POU2F1: variants seen among roughly 807,000 people sequenced by gnomAD.
POU2F1 encodes the protein POU class 2 homeobox 1, also known as POU domain, class 2, transcription factor 1.
A neutral mutation model predicts 84.9 loss-of-function variants in POU2F1; 16 were observed. The ratio of observed to expected loss-of-function variants is 0.19; its 90% CI spans 0.13 to 0.29. POU2F1 has a LOEUF of 0.29. Ranked by LOEUF, POU2F1 falls within the 10% of genes least tolerant of loss-of-function variation. The pLI is 1.00. For synonymous variants in POU2F1, 368 were observed against 368.3 expected, an observed-to-expected ratio of 1.00 and a Z score of 0.01; for missense variants, 738 against 942.6, an observed-to-expected ratio of 0.78 and a Z score of 2.84.
chr1:167,267,403 A>C (rs1282527282), intron 1 of POU2F1, among the ~76,000 whole-genome samples: 1 of 151,254 alleles, frequency 6.6e-6, no homozygotes, highest in Non-Finnish European at 1.5e-5. Context: ...GGAAAAAAAA[A>C]CTAAAACCGT....
chr1:167,426,949 C>G lies in POU2F1; in HGVS notation c.*11139C>G, dbSNP rs1302731782. 1 of 152,162 alleles carries G rather than the reference C, an allele frequency of 6.6e-6. No homozygotes were observed. The highest frequency in any genetic ancestry group is 1.5e-5 in the Non-Finnish European group (1 of 68,032). 9.4% of individuals were successfully genotyped at this position (152,162 alleles called of 1,614,324 possible). On this transcript the variant is annotated 3_prime_UTR_variant, in exon 16 of 16. Coordinates refer to ENST00000367866, the MANE Select transcript of POU2F1 (RefSeq NM_002697.4). ...ATTTCCCCTCTGATAGGAATATTTT[C>G]TAAGAATCAGCTGATAACTTGCGTG...
chr1:167,300,317 C>T (rs1018718709), intron 1 of POU2F1, among the ~76,000 whole-genome samples: 2 of 152,018 alleles, frequency 1.3e-5, no homozygotes, highest in African/African-American at 2.4e-5. Flanking sequence ...GATCAGGTAC[C>T]GTATTCACTG....
intron 2 of POU2F1, among the ~76,000 whole-genome samples, chr1:167,358,122 C>CTTT (rs763521021): frequency 1.6e-3 from 158 of 97,122 alleles, no homozygotes; most frequent in African/African-American, 2.4e-3. Flanking sequence ...TTTTTCTTTT[C>CTTT]TTTTTTTTTT....
chr1:167,337,204 G>A (rs1231114348), intron 2 of POU2F1, among the ~76,000 whole-genome samples: 1 of 150,672 alleles, frequency 6.6e-6, no homozygotes, highest in African/African-American at 2.4e-5. Flanking sequence ...GTGCACACCT[G>A]TACTCCCAGC....
intron 1 of POU2F1, among the ~76,000 whole-genome samples, chr1:167,261,126 C>T (rs1651533408): frequency 6.6e-6 from 1 of 152,088 alleles, no homozygotes; most frequent in Non-Finnish European, 1.5e-5. Context: ...GGTTCCCAGT[C>T]AACCATAACA....
In POU2F1 at chr1:167,230,422, C is replaced by CTT. The variant is rs146275828; in HGVS notation, c.61+9466_61+9467dup. On this transcript the variant is annotated intron_variant, in intron 1 of 15. Transcript: ENST00000367866. Reference sequence around the variant, plus strand: ...TAAGGGATTTCAAACTTTTAAAAGCCTTTGGTGTTCTTTTTTAAAGGCAAA... The same window carrying CTT: ...TAAGGGATTTCAAACTTTTAAAAGCCTTTTTGGTGTTCTTTTTTAAAGGCAAA... Among the ~76,000 whole-genome samples the CTT allele has an allele frequency of 1.1e-3, 169 of 151,816 alleles. 1 individual carries two copies. Among genetic ancestry groups the CTT allele is most frequent in the African/African-American group, 4.0e-3 (166 of 41,362 alleles).
intron 1 of POU2F1, among the ~76,000 whole-genome samples, chr1:167,277,498 TA>T (rs34080201): frequency 0.04 from 5,388 of 135,474 alleles, 137 homozygotes; most frequent in African/African-American, 0.082. Flanking sequence ...CCTGGCTAAT[TA>T]AAAAAAAAAA....
At chr1:167,354,152 ATGTT>A (rs1319278232) in intron 2 of POU2F1, among the ~76,000 whole-genome samples, 2 of 152,126 alleles carry the variant, frequency 1.3e-5, no homozygotes, top group African/African-American at 4.8e-5. Flanking sequence ...CTACATTAGA[ATGTT>A]TGTTTATTCC....
chr1:167,281,448 G>C (rs538236943), intron 1 of POU2F1, among the ~76,000 whole-genome samples: 17 of 152,350 alleles, frequency 1.1e-4, no homozygotes, highest in Admixed American at 7.8e-4. Context: ...GCAACTGACG[G>C]TTTGCCAATC....
chr1:167,384,114 T>C (rs1647781717), intron 8 of POU2F1, among the ~76,000 whole-genome samples, 163 bp downstream of exon 8: 2 of 152,162 alleles, frequency 1.3e-5, no homozygotes, highest in Admixed American at 1.3e-4. Flanking sequence ...ACCAAATCAA[T>C]ATAGTCTTTG....
At chr1:167,276,143 G>A (rs936915740) in intron 1 of POU2F1, among the ~76,000 whole-genome samples, 2 of 152,176 alleles carry the variant, frequency 1.3e-5, no homozygotes, top group African/African-American at 4.8e-5. Context: ...TAAGTTGCAT[G>A]CTGTTCTGAG....
At chr1:167,232,778 G>A (rs1371824955) in intron 1 of POU2F1, among the ~76,000 whole-genome samples, 1 of 151,980 alleles carries the variant, frequency 6.6e-6, no homozygotes, top group Non-Finnish European at 1.5e-5. Context: ...GTGAAGTGGA[G>A]GTTGCAGTGA....
At chr1:167,332,096 A>C (rs1657113919) in intron 1 of POU2F1, among the ~76,000 whole-genome samples, 1 of 152,126 alleles carries the variant, frequency 6.6e-6, no homozygotes, top group Admixed American at 6.5e-5. Flanking sequence ...ATTTGGGAAT[A>C]ACATTTTATT....
At position 167,422,642 on chromosome 1, in the gene POU2F1, A is replaced by G. The variant is rs998338262; in HGVS notation, c.*6832A>G. 6.6e-6 allele frequency: 1 copy of G among 152,196 alleles called. No individual in the cohort carries two copies. Among genetic ancestry groups the G allele is most frequent in the Non-Finnish European group, 1.5e-5 (1 of 68,032 alleles). 9.4% of individuals were successfully genotyped at this position (152,196 alleles called of 1,614,324 possible). On this transcript the variant is annotated 3_prime_UTR_variant, in exon 16 of 16. Transcript: ENST00000367866. ...AAGCCCTTTCTGCCCATACTCTGGGACAAACTTTCTTGGCTCCCTGAGTTC... is the reference window on the plus strand; with the variant it reads ...AAGCCCTTTCTGCCCATACTCTGGGGCAAACTTTCTTGGCTCCCTGAGTTC...
At chr1:167,332,603 A>C in intron 2 of POU2F1, 68 bp downstream of exon 2, 1 of 1,319,938 alleles carries the variant, frequency 7.6e-7, no homozygotes, top group Non-Finnish European at 1.1e-6. Flanking sequence ...TTTCCATGTA[A>C]CTAGGACTTG....
intron 1 of POU2F1, among the ~76,000 whole-genome samples, chr1:167,302,456 A>C (rs187426633): frequency 9.7e-4 from 147 of 151,884 alleles, no homozygotes; most frequent in African/African-American, 3.5e-3. Context: ...ACGGGGTTTC[A>C]CCATGTTGGC....
In POU2F1 at chr1:167,420,382, G is replaced by T. The variant is rs4657657; in HGVS notation, c.*4572G>T. The T allele has an allele frequency of 0.61, 93,107 of 151,940 alleles. 30,307 individuals are homozygous for T. The highest frequency in any genetic ancestry group is 0.87 in the East Asian group (4,472 of 5,164). 9.4% of individuals were successfully genotyped at this position (151,940 alleles called of 1,614,324 possible). ...TTTCTCCGTGTTGGCCAGGCTTTTT[G>T]AACTCCTGACCTTAGGTGATCTGCC... On this transcript the variant is annotated 3_prime_UTR_variant, in exon 16 of 16. Coordinates refer to ENST00000367866, the MANE Select transcript of POU2F1 (RefSeq NM_002697.4).
At chr1:167,347,663 T>C (rs962405979) in intron 2 of POU2F1, among the ~76,000 whole-genome samples, 1 of 152,164 alleles carries the variant, frequency 6.6e-6, no homozygotes, top group African/African-American at 2.4e-5. Context: ...AAGGAAACCC[T>C]ATACCCCTTA....
chr1:167,392,898 A>G (rs1648527067), intron 9 of POU2F1, among the ~76,000 whole-genome samples: 1 of 152,220 alleles, frequency 6.6e-6, no homozygotes, highest in Non-Finnish European at 1.5e-5. Flanking sequence ...TTATATACAC[A>G]CACAAAGTTT....
Sources: allele counts gnomAD v4.1 joint callset (sites outside exome capture counted in the v4.1 genomes callset), GRCh38; gene constraint gnomAD v4.1.1; transcripts MANE v1.5; gene names NCBI Gene and HGNC (gene_info 2026-07-23, HGNC 2026-07-21).